Variants in FHIT observed in about 807,000 individuals in gnomAD.
FHIT encodes the protein fragile histidine triad diadenosine triphosphatase.
FHIT carries 19 observed loss-of-function variants against 17.9 expected under a neutral mutation model. That is an observed-to-expected ratio of 1.06 (90% CI 0.74 to 1.56). The LOEUF is 1.56. Among genes scored for constraint, FHIT ranks in the 40% most tolerant of loss-of-function variants. The probability of loss-of-function intolerance (pLI) is 0.00; values close to 1 mark genes in which losing one functional copy is unlikely to be tolerated. For missense variants in FHIT, 248 were observed against 189.2 expected, an observed-to-expected ratio of 1.31 and a Z score of -1.82; for synonymous variants, 81 against 69.7, an observed-to-expected ratio of 1.16 and a Z score of -0.81.
intron 2 of FHIT, among the ~76,000 whole-genome samples, chr3:61,060,052 G>A (rs2034371196): frequency 1.3e-5 from 2 of 152,124 alleles, no homozygotes; most frequent in African/African-American, 4.8e-5. Flanking sequence ...TGTCCAGGGT[G>A]AGTTCCCACC....
intron 3 of FHIT, among the ~76,000 whole-genome samples, chr3:60,867,050 GAGCCTACAAT>G (rs1415836995): frequency 1.3e-5 from 2 of 152,160 alleles, no homozygotes; most frequent in Admixed American, 1.3e-4. Context: ...TCAGCAACAT[GAGCCTACAAT>G]AGTCTTTTTA....
chr3:60,570,737 T>TTAAA (rs1553655320), intron 4 of FHIT, among the ~76,000 whole-genome samples: 1 of 132,526 alleles, frequency 7.5e-6, no homozygotes, highest in Non-Finnish European at 1.6e-5. Context: ...ATTAAAAAAT[T>TTAAA]AAAAAAAAAA....
intron 5 of FHIT, among the ~76,000 whole-genome samples, chr3:60,364,593 T>A (rs141727324): frequency 1.2e-4 from 18 of 152,326 alleles, no homozygotes; most frequent in African/African-American, 4.3e-4. Context: ...AGGCATTCCA[T>A]TGAGCAACAC....
At chr3:60,375,317 C>T (rs992141602) in intron 5 of FHIT, among the ~76,000 whole-genome samples, 1 of 151,764 alleles carries the variant, frequency 6.6e-6, no homozygotes, top group Non-Finnish European at 1.5e-5. Context: ...ACCTGTAATC[C>T]TAGCACTTTG....
At chr3:60,842,898 G>C (rs1702789688) in intron 3 of FHIT, among the ~76,000 whole-genome samples, 1 of 151,868 alleles carries the variant, frequency 6.6e-6, no homozygotes, top group Admixed American at 6.6e-5. Flanking sequence ...CCTTAAAATT[G>C]TCAGGGGTGC....
At chr3:59,824,580 T>C (rs72888521) in intron 8 of FHIT, among the ~76,000 whole-genome samples, 4,439 of 152,278 alleles carry the variant, frequency 0.029, 213 homozygotes, top group African/African-American at 0.093. Flanking sequence ...TTAAATAAAT[T>C]GGGGGAATTT....
intron 1 of FHIT, among the ~76,000 whole-genome samples, chr3:61,232,743 C>G (rs1413534865): frequency 1.3e-5 from 2 of 152,250 alleles, no homozygotes; most frequent in African/African-American, 4.8e-5. Context: ...CCTATTAGGC[C>G]TAGGTGCAGG....
chr3:59,926,046 A>G (rs1297235720), intron 7 of FHIT, among the ~76,000 whole-genome samples: 2 of 152,200 alleles, frequency 1.3e-5, no homozygotes, highest in Non-Finnish European at 2.9e-5. Context: ...GCCTTCCACA[A>G]ATTTGCTAGG....
intron 3 of FHIT, among the ~76,000 whole-genome samples, chr3:60,948,792 A>G (rs1426426756): frequency 1.3e-5 from 2 of 152,198 alleles, no homozygotes; most frequent in Non-Finnish European, 2.9e-5. Context: ...CCCTGCAGAA[A>G]TGAGAGTCAA....
chr3:61,010,702 T>G (rs1559907448), intron 3 of FHIT, among the ~76,000 whole-genome samples: 4 of 152,188 alleles, frequency 2.6e-5, no homozygotes. Context: ...TTTTAAGAAA[T>G]GTATTTAAAG....
At chr3:59,783,704 T>G (rs566695737) in intron 8 of FHIT, among the ~76,000 whole-genome samples, 25 of 152,304 alleles carry the variant, frequency 1.6e-4, no homozygotes, top group African/African-American at 6.0e-4. Context: ...ACCCACTTGA[T>G]GTGGTGAGCA....
intron 5 of FHIT, among the ~76,000 whole-genome samples, chr3:60,057,309 T>C (rs1387025041): frequency 2.6e-5 from 4 of 152,122 alleles, no homozygotes; most frequent in African/African-American, 9.7e-5. Flanking sequence ...GGAATACTAG[T>C]AAAATCTGGA....
chr3:60,435,738 A>T (rs1288356081), intron 5 of FHIT, among the ~76,000 whole-genome samples: 1 of 152,186 alleles, frequency 6.6e-6, no homozygotes, highest in Admixed American at 6.5e-5. Flanking sequence ...TGTTGTACAG[A>T]TTATTTCATC....
chr3:61,235,616 C>T (rs1157738511), intron 1 of FHIT, among the ~76,000 whole-genome samples: 2 of 151,852 alleles, frequency 1.3e-5, no homozygotes, highest in East Asian at 1.9e-4. Flanking sequence ...ACAGGAGAAT[C>T]GCTTGAACCC....
At chr3:59,770,090 G>A (rs1012392897) in intron 8 of FHIT, among the ~76,000 whole-genome samples, 1 of 152,128 alleles carries the variant, frequency 6.6e-6, no homozygotes, top group Admixed American at 6.5e-5. Context: ...GACTTGTAAG[G>A]GAGAAAGGTC....
chr3:60,844,970 T>C (rs965017298), intron 3 of FHIT, among the ~76,000 whole-genome samples: 8 of 152,206 alleles, frequency 5.3e-5, no homozygotes, highest in South Asian at 2.1e-4. Flanking sequence ...TTTCTGATAG[T>C]CTACTCTAGA....
chr3:60,197,289 A>C (rs1027604426), intron 5 of FHIT, among the ~76,000 whole-genome samples: 3 of 152,154 alleles, frequency 2.0e-5, no homozygotes, highest in African/African-American at 7.2e-5. Flanking sequence ...AATACACACA[A>C]GATTTCATAG....
chr3:59,959,253 C>T (rs910612800), intron 7 of FHIT, among the ~76,000 whole-genome samples: 3 of 152,294 alleles, frequency 2.0e-5, no homozygotes, highest in African/African-American at 7.2e-5. Flanking sequence ...TGATGCTTCT[C>T]AATCATTGTC....
intron 3 of FHIT, among the ~76,000 whole-genome samples, chr3:61,035,451 C>T (rs2033195504): frequency 6.6e-6 from 1 of 152,140 alleles, no homozygotes; most frequent in Non-Finnish European, 1.5e-5. Context: ...TTTTGTTAAA[C>T]TACCCAAAAT....
Sources: allele counts gnomAD v4.1 joint callset (sites outside exome capture counted in the v4.1 genomes callset), GRCh38; gene constraint gnomAD v4.1.1; transcripts MANE v1.5; gene names NCBI Gene and HGNC (gene_info 2026-07-23, HGNC 2026-07-21).